The following PCSK5 variants were observed in gnomAD, a reference collection of about 807,000 sequenced individuals.
PCSK5 encodes the protein proprotein convertase subtilisin/kexin type 5.
A neutral mutation model predicts 233.2 loss-of-function variants in PCSK5; 129 were observed. The observed-to-expected ratio is 0.55, with a 90% CI of 0.48 to 0.64. The LOEUF (loss-of-function observed/expected upper bound fraction) is 0.64. Among genes scored for constraint, PCSK5 ranks in the 30% least tolerant of loss-of-function variants. The pLI, the probability that PCSK5 is intolerant of heterozygous loss-of-function variation, is 0.00. For missense variants in PCSK5, 2,076 were observed against 2,430.1 expected, an observed-to-expected ratio of 0.85 and a Z score of 3.06; for synonymous variants, 825 against 879.2, an observed-to-expected ratio of 0.94 and a Z score of 1.09.
intron 35 of PCSK5, among the ~76,000 whole-genome samples, chr9:76,347,954 G>T (rs1830021516): frequency 6.6e-6 from 1 of 150,984 alleles, no homozygotes; most frequent in African/African-American, 2.4e-5. Context: ...ATACAATGTG[G>T]AATAATTAAA....
At chr9:76,180,889 A>C (rs1823837563) in intron 15 of PCSK5, among the ~76,000 whole-genome samples, 1 of 133,632 alleles carries the variant, frequency 7.5e-6, no homozygotes. Flanking sequence ...TGGGCAAACA[A>C]GGAAGTTTTT....
chr9:76,335,969 A>G (rs1285146436), intron 34 of PCSK5, among the ~76,000 whole-genome samples: 1 of 152,160 alleles, frequency 6.6e-6, no homozygotes, highest in African/African-American at 2.4e-5. Context: ...CCAGGATTAA[A>G]AATTCTATCT....
intron 5 of PCSK5, among the ~76,000 whole-genome samples, chr9:76,052,321 A>G (rs1403201609): frequency 6.6e-6 from 1 of 152,174 alleles, no homozygotes; most frequent in Admixed American, 6.5e-5. Flanking sequence ...ATAAAGACAC[A>G]CCCAAGACTG....
intron 3 of PCSK5, among the ~76,000 whole-genome samples, chr9:76,011,148 A>G (rs1318530526): frequency 1.3e-5 from 2 of 152,236 alleles, no homozygotes; most frequent in Admixed American, 6.5e-5. Context: ...TACGCTTGCT[A>G]GTGGAGGATA....
intron 1 of PCSK5, among the ~76,000 whole-genome samples, chr9:75,909,778 G>C (rs77966811): frequency 2.0e-5 from 3 of 152,194 alleles, no homozygotes; most frequent in South Asian, 4.1e-4. Flanking sequence ...AATAAAGCCC[G>C]CAGCAGTTGT....
rs758134434 is a variant in PCSK5 at position 76,358,886 on chromosome 9, G to A, written c.5628G>A (p.Leu1876=). 7 of 1,612,768 alleles carry A rather than the reference G, an allele frequency of 4.3e-6. No homozygotes were observed. Among genetic ancestry groups the A allele is most frequent in the East Asian group, 4.5e-5 (2 of 44,880 alleles). ...GLLDDDDIDE[L]EYDDESYSYY... is the part of the protein sequence containing the mutation. Reference sequence around the variant, plus strand: ...TGGATGACGATGACATAGATGAGCTGGAATATGATGACGAGAGTTACTCCT... The same window carrying A: ...TGGATGACGATGACATAGATGAGCTAGAATATGATGACGAGAGTTACTCCT... The change falls in exon 38 of 38, where the codon CTG becomes CTA. Residue 1876 remains leucine, a synonymous_variant. Transcript: ENST00000674117.
intron 2 of PCSK5, among the ~76,000 whole-genome samples, chr9:75,955,342 A>G (rs139790601): frequency 6.6e-6 from 1 of 152,334 alleles, no homozygotes; most frequent in East Asian, 1.9e-4. Flanking sequence ...TGGAATTCAC[A>G]GGCATGGTTG....
chr9:76,332,635 C>T, intron 34 of PCSK5, 25 bp downstream of exon 34: 2 of 1,491,936 alleles, frequency 1.3e-6, no homozygotes, highest in Non-Finnish European at 1.8e-6. Flanking sequence ...CATTTTCCCC[C>T]ATGTAATTTC....
intron 35 of PCSK5, 127 bp downstream of exon 35, chr9:76,338,574 C>T (rs1829745407): frequency 3.0e-6 from 2 of 657,368 alleles, no homozygotes; most frequent in South Asian, 3.7e-5. Context: ...GTGTGTGATC[C>T]TCTCCAGCAT....
At chr9:76,177,248 C>G (rs559743114) in intron 14 of PCSK5, among the ~76,000 whole-genome samples, 1 of 151,706 alleles carries the variant, frequency 6.6e-6, no homozygotes, top group African/African-American at 2.4e-5. Context: ...GAGCCGGGAT[C>G]GTGCCACTTC....
intron 9 of PCSK5, among the ~76,000 whole-genome samples, chr9:76,126,779 T>C (rs1379210216): frequency 6.6e-6 from 1 of 151,972 alleles, no homozygotes; most frequent in Non-Finnish European, 1.5e-5. Context: ...CAATGGAGGA[T>C]GAGAAGTGGG....
At chr9:76,003,402 A>AT (rs927734428) in intron 3 of PCSK5, among the ~76,000 whole-genome samples, 18 of 151,832 alleles carry the variant, frequency 1.2e-4, no homozygotes, top group Middle Eastern at 3.4e-3. Context: ...AGTGTCTGTG[A>AT]TTTTTTTTTC....
chr9:76,096,637 T>C (rs1197673609), intron 8 of PCSK5, among the ~76,000 whole-genome samples: 1 of 151,582 alleles, frequency 6.6e-6, no homozygotes, highest in Non-Finnish European at 1.5e-5. Context: ...GAAGTCTAAC[T>C]GTTGCCCAGG....
intron 20 of PCSK5, chr9:76,193,522 T>C (rs1824529277): frequency 1.8e-6 from 1 of 542,398 alleles, no homozygotes; most frequent in Non-Finnish European, 3.1e-6. Flanking sequence ...TGGTGAACTG[T>C]TTTGTCAGAA....
intron 24 of PCSK5, among the ~76,000 whole-genome samples, chr9:76,281,508 G>C (rs62564592): frequency 0.13 from 19,332 of 152,088 alleles, 1,636 homozygotes; most frequent in African/African-American, 0.25. Flanking sequence ...AGACAAAAGA[G>C]TTTTCAAACT....
At chr9:76,090,242 C>T (rs1228838948) in intron 7 of PCSK5, among the ~76,000 whole-genome samples, 1 of 152,106 alleles carries the variant, frequency 6.6e-6, no homozygotes. Flanking sequence ...CCCTGCACCC[C>T]ACATTAAGAT....
intron 34 of PCSK5, among the ~76,000 whole-genome samples, chr9:76,335,404 T>A (rs1479447587): frequency 6.6e-5 from 10 of 152,226 alleles, no homozygotes; most frequent in Admixed American, 6.5e-4. Flanking sequence ...AAAATCAGTG[T>A]TCCACATGCT....
chr9:76,248,532 T>C (rs544346330), intron 24 of PCSK5, among the ~76,000 whole-genome samples: 15 of 152,270 alleles, frequency 9.9e-5, no homozygotes, highest in African/African-American at 3.6e-4. Flanking sequence ...TCCCCTAGTA[T>C]ATGAACCCAA....
rs5898460 is a variant in PCSK5 at position 76,192,983 on chromosome 9, CT to C, written c.2626+3249del. 8.5e-3 allele frequency among the ~76,000 whole-genome samples: 1,249 copies of C among 147,438 alleles called. 16 individuals carry two copies. The highest frequency in any genetic ancestry group is 0.029 in the African/African-American group (1,166 of 40,322). ...ATTTCTAATTTATTCTTTTTCTAAT[CT>C]TTTTTTTTTTTCACAAATGGATACC... On this transcript the variant is annotated intron_variant, in intron 20 of 37. Transcript: ENST00000674117.
Sources: allele counts gnomAD v4.1 joint callset (sites outside exome capture counted in the v4.1 genomes callset), GRCh38; gene constraint gnomAD v4.1.1; transcripts MANE v1.5; gene names NCBI Gene and HGNC (gene_info 2026-07-23, HGNC 2026-07-21).